The following DCUN1D3 variants were observed in gnomAD, a reference collection of about 807,000 sequenced individuals.
DCUN1D3 encodes the protein DCN1-like protein 3.
In DCUN1D3, 6 loss-of-function variants were observed where a neutral mutation model predicts 24.8. The ratio of observed to expected loss-of-function variants is 0.24; its 90% confidence interval spans 0.13 to 0.48. DCUN1D3 has a LOEUF of 0.48. Among genes scored for constraint, DCUN1D3 ranks in the 20% least tolerant of loss-of-function variants. The pLI is 0.99. For missense variants in DCUN1D3, 258 were observed against 379.4 expected (o/e 0.68, Z 2.66); for synonymous variants, 120 against 144.9 (o/e 0.83, Z 1.24).
intron 1 of DCUN1D3, among the ~76,000 whole-genome samples, chr16:20,867,866 G>T (rs1486270472): frequency 6.6e-6 from 1 of 152,174 alleles, no homozygotes; most frequent in Non-Finnish European, 1.5e-5. Flanking sequence ...CCACAGCACT[G>T]ATCCTACTCA....
intron 1 of DCUN1D3, among the ~76,000 whole-genome samples, chr16:20,873,841 G>A (rs2081801480): frequency 1.3e-5 from 2 of 152,086 alleles, no homozygotes; most frequent in African/African-American, 4.8e-5. Context: ...GAATGCCTAG[G>A]GGGTCACTGT....
rs1172601612 is a variant in DCUN1D3 at position 20,877,807 on chromosome 16, C to CT, written c.-105-15165dup. On this transcript the variant is annotated intron_variant, in intron 1 of 2. Coordinates refer to ENST00000324344, the MANE Select transcript of DCUN1D3 (RefSeq NM_173475.4). Reference sequence around the variant, plus strand: ...TTCAGTTCTCAAGAGCTGATTTTTTCTTTTTAGAGACAGGATCTGGCTCTG... The same window carrying CT: ...TTCAGTTCTCAAGAGCTGATTTTTTCTTTTTTAGAGACAGGATCTGGCTCTG... 2.0e-5 allele frequency among the ~76,000 whole-genome samples: 3 copies of CT among 152,178 alleles called. No individual in the cohort carries two copies. In the East Asian group the frequency reaches 5.8e-4, roughly 29 times the overall value.
chr16:20,874,777 G>A (rs901387433), intron 1 of DCUN1D3, among the ~76,000 whole-genome samples: 1 of 151,896 alleles, frequency 6.6e-6, no homozygotes, highest in Non-Finnish European at 1.5e-5. Context: ...ATTTGAATAC[G>A]TTCTCTGCAG....
intron 1 of DCUN1D3, among the ~76,000 whole-genome samples, chr16:20,879,890 A>C (rs1331434204): frequency 1.3e-5 from 2 of 152,250 alleles, no homozygotes; most frequent in African/African-American, 2.4e-5. Flanking sequence ...AGCAAAAGGC[A>C]CAGTCATCTT....
At chr16:20,882,348 G>A (rs1360822724) in intron 1 of DCUN1D3, among the ~76,000 whole-genome samples, 1 of 151,098 alleles carries the variant, frequency 6.6e-6, no homozygotes, top group African/African-American at 2.4e-5. Flanking sequence ...CACCTCCCGG[G>A]TTCAAGCAAT....
chr16:20,868,560 C>G (rs547082509), intron 1 of DCUN1D3, among the ~76,000 whole-genome samples: 1 of 152,198 alleles, frequency 6.6e-6, no homozygotes. Flanking sequence ...ATGCTCTGCT[C>G]AATACCTGAC....
chr16:20,860,716 C>A lies in DCUN1D3; in HGVS notation c.432-347G>T, dbSNP rs147094254. ...CCGCTCTGCAATAGCGATTAAGCTG[C>A]GGATTCTTTCTCCTTCCAGAGGAGG... On this transcript the variant is annotated intron_variant, in intron 2 of 2. Transcript: ENST00000324344. The surrounding 1 kb of genome is among the most constrained non-coding windows in gnomAD (Gnocchi z 4.3). 6.6e-6 allele frequency among the ~76,000 whole-genome samples: 1 copy of A among 152,142 alleles called. No homozygotes were observed. Among genetic ancestry groups the A allele is most frequent in the African/African-American group, 2.4e-5 (1 of 41,414 alleles).
At chr16:20,895,937 G>T (rs978773574) in intron 1 of DCUN1D3, among the ~76,000 whole-genome samples, 16 of 152,196 alleles carry the variant, frequency 1.1e-4, no homozygotes, top group Non-Finnish European at 2.1e-4. Flanking sequence ...ACAATTAAAT[G>T]TCCTTACTTC....
intron 1 of DCUN1D3, among the ~76,000 whole-genome samples, chr16:20,898,376 A>G (rs2081928857): frequency 6.6e-6 from 1 of 151,782 alleles, no homozygotes. Flanking sequence ...CCCAGCTCCC[A>G]CTCCGATGTA....
intron 1 of DCUN1D3, among the ~76,000 whole-genome samples, chr16:20,890,913 ATTTTTTTTT>A (rs150298028): frequency 1.4e-5 from 2 of 143,840 alleles, no homozygotes. Flanking sequence ...CCTGGTCAAA[ATTTTTTTTT>A]TTTTTTTTAA....
chr16:20,897,495 CA>C, intron 1 of DCUN1D3, among the ~76,000 whole-genome samples: 1 of 152,254 alleles, frequency 6.6e-6, no homozygotes, highest in Non-Finnish European at 1.5e-5. Flanking sequence ...TGTTATTAGT[CA>C]TCAGAAGGAT....
At chr16:20,861,813 A>T (rs1331953848) in intron 2 of DCUN1D3, among the ~76,000 whole-genome samples, 2 of 152,128 alleles carry the variant, frequency 1.3e-5, no homozygotes, top group African/African-American at 2.4e-5. Flanking sequence ...ACCAGACATG[A>T]ATCTCTATCA....
chr16:20,868,215 C>A (rs1214561447), intron 1 of DCUN1D3, among the ~76,000 whole-genome samples: 1 of 152,226 alleles, frequency 6.6e-6, no homozygotes, highest in Non-Finnish European at 1.5e-5. Flanking sequence ...GACATCCCAG[C>A]ACCAAATTTT....
intron 1 of DCUN1D3, among the ~76,000 whole-genome samples, chr16:20,878,481 A>G (rs567049569): frequency 6.6e-6 from 1 of 152,294 alleles, no homozygotes; most frequent in East Asian, 1.9e-4. Context: ...ACAGCCATGC[A>G]CTGCACTCTA....
chr16:20,877,540 A>G (rs1351846695), intron 1 of DCUN1D3, among the ~76,000 whole-genome samples: 1 of 152,232 alleles, frequency 6.6e-6, no homozygotes, highest in African/African-American at 2.4e-5. Context: ...ATTGATAAGT[A>G]TCTGTAGAAG....
At position 20,864,890 on chromosome 16, in the gene DCUN1D3, A is replaced by G. The variant is rs1253255988; in HGVS notation, c.-105-2247T>C. On this transcript the variant is annotated intron_variant, in intron 1 of 2. Coordinates refer to ENST00000324344, the MANE Select transcript of DCUN1D3 (RefSeq NM_173475.4). ...TGATCCTCAGCAAACTAACGCAGGG[A>G]CAGAAAACCAAATACTCACTTATAA... 3.9e-5 allele frequency among the ~76,000 whole-genome samples: 6 copies of G among 152,242 alleles called. No individual in the cohort carries two copies. The East Asian group carries it at 9.6e-4, about 24-fold the overall frequency.
rs1252963874 is a variant in DCUN1D3 at position 20,859,249 on chromosome 16, G to T, written c.*637C>A. The T allele has an allele frequency of 6.6e-6, 1 of 152,592 alleles. No homozygotes were observed. Among genetic ancestry groups the T allele is most frequent in the East Asian group, 1.9e-4 (1 of 5,196 alleles). The allele number at this position is 152,592 out of a possible 1,614,324, so 9.5% of individuals were successfully genotyped here. A position where few individuals can be genotyped will look rare whatever the true frequency, so the allele number is the denominator to read the frequency against. ...GTTCTGGATAAATTAGCTTAAAAGG[G>T]GGTTGTCACCAGACTACAAATGCTC... is the stretch of plus-strand genomic sequence containing the variant. On this transcript the variant is annotated 3_prime_UTR_variant, in exon 3 of 3. Coordinates refer to ENST00000324344, the MANE Select transcript of DCUN1D3 (RefSeq NM_173475.4).
intron 1 of DCUN1D3, among the ~76,000 whole-genome samples, chr16:20,875,213 C>A (rs967801802): frequency 9.3e-5 from 2 of 21,552 alleles, no homozygotes; most frequent in Non-Finnish European, 3.3e-4. Context: ...CGCTCATGCA[C>A]ACACACACAC....
Position 20,860,097 on chromosome 16 carries a change from A to G in DCUN1D3, c.704T>C (p.Ile235Thr). 1 of 1,614,260 alleles carries G rather than the reference A, an allele frequency of 6.2e-7. No homozygotes were observed. The change falls in exon 3 of 3, where the codon ATC becomes ACC. Residue 235 changes from isoleucine to threonine, a missense_variant. Coordinates refer to ENST00000324344, the MANE Select transcript of DCUN1D3 (RefSeq NM_173475.4). The surrounding 1 kb of genome is among the most constrained non-coding windows in gnomAD (Gnocchi z 4.3). Reference protein sequence around the residue: ...LNFLTENPSGIKGISRDTWNM... With the variant: ...LNFLTENPSGTKGISRDTWNM... Reference sequence around the variant, plus strand: ...CCAAGTGTCCCGGGAGATGCCCTTGATCCCCGAGGGGTTCTCTGTTAGGAA... The same window carrying G: ...CCAAGTGTCCCGGGAGATGCCCTTGGTCCCCGAGGGGTTCTCTGTTAGGAA...
Sources: gnomAD v4.1 joint callset for allele counts (sites outside exome capture counted in the v4.1 genomes callset) on GRCh38, gnomAD v4.1.1 for gene constraint, Gnocchi (gnomAD v3.1) non-coding constraint, MANE v1.5 for transcripts, NCBI Gene and HGNC (gene_info 2026-07-23, HGNC 2026-07-21) for gene names.